Variants in DYNC2H1 observed in about 807,000 individuals in gnomAD.
The protein encoded by DYNC2H1 is dynein cytoplasmic 2 heavy chain 1, also known as cytoplasmic dynein 2 heavy chain 1.
A neutral mutation model predicts 570.0 loss-of-function variants in DYNC2H1; 410 were observed. The observed-to-expected ratio is 0.72, with a 90% CI of 0.66 to 0.78. The LOEUF (loss-of-function observed/expected upper bound fraction) is 0.78. Ranked by LOEUF, DYNC2H1 falls within the 30% of genes least tolerant of loss-of-function variation. DYNC2H1 has a pLI of 0.00. For synonymous variants in DYNC2H1, 1,688 were observed against 1,677.6 expected (o/e 1.01, Z -0.15); for missense variants, 4,865 against 5,046.4 (o/e 0.96, Z 1.09).
Position 103,159,004 on chromosome 11 carries a change from C to A in DYNC2H1, c.4355C>A (p.Ser1452Tyr). 1 of 1,612,788 alleles carries A rather than the reference C, an allele frequency of 6.2e-7. No homozygotes were observed. The highest frequency in any genetic ancestry group is 1.1e-5 in the South Asian group (1 of 90,692). ...GQSTNPSVIQ[S>Y]HLKKLFAGIN... The stretch of plus-strand genomic sequence containing the variant: ...TCTACCAACCCATCAGTGATTCAGT[C>A]TCACCTGAAGAAGCTTTTTGCTGGT... The change falls in exon 28 of 89, where the codon TCT becomes TAT. Residue 1452 changes from serine (S) to tyrosine (Y), a missense_variant. Ser to Tyr is a moderately radical substitution (Grantham distance 144). This residue lies in a region of DYNC2H1 where 1,936 missense variants were observed against 1,962.1 expected (regional missense o/e 0.99). Coordinates refer to ENST00000375735, the MANE Select transcript of DYNC2H1 (RefSeq NM_001377.3).
At chr11:103,308,460 C>T (rs764809015) in intron 78 of DYNC2H1, among the ~76,000 whole-genome samples, 11 of 152,180 alleles carry the variant, frequency 7.2e-5, no homozygotes, top group Non-Finnish European at 1.2e-4. Context: ...ACAGTGAACA[C>T]TGGTGAGCAC....
chr11:103,154,165 A>T (rs1860698150), intron 22 of DYNC2H1, among the ~76,000 whole-genome samples: 1 of 151,862 alleles, frequency 6.6e-6, no homozygotes, highest in South Asian at 2.1e-4. Flanking sequence ...CGTACATATA[A>T]ATCTCTCTAT....
rs764028036 is a variant in DYNC2H1, at chr11:103,143,379, G to A, written c.2686G>A (p.Val896Ile). Residue 896 changes from valine to isoleucine, a missense_variant, in exon 18 of 89, where the codon GTA becomes ATA. Val to Ile is a conservative substitution (Grantham distance 29). Coordinates refer to ENST00000375735, the MANE Select transcript of DYNC2H1 (RefSeq NM_001377.3). ...FKALKIKGKE[V>I]ERLPSAVKVD... ...AGCATTAAAAATAAAGGGGAAAGAA[G>A]TAGAACGACTTCCAAGGTATTGGAG... is the stretch of plus-strand genomic sequence containing the variant. The A allele has an allele frequency of 1.1e-5, 18 of 1,610,240 alleles. No individual in the cohort carries two copies. The African/African-American group carries it at 2.3e-4, about 20-fold the overall frequency.
rs752450335 is a variant in DYNC2H1 at position 103,286,296 on chromosome 11, T to A, written c.10932T>A (p.Asp3644Glu). The stretch of plus-strand genomic sequence containing the variant: ...TTTATCAGACCCTCTGCTTTGAAGA[T>A]GCAGCTCTGTGGCGTACTTATTATA... ...PSLYQTLCFEDAALWRTYYNN... is the reference protein window; with the variant it reads ...PSLYQTLCFEEAALWRTYYNN... Residue 3644 changes from aspartate (D) to glutamate (E), a missense_variant, in exon 74 of 89, where the codon GAT (aspartate) becomes GAA (glutamate). Asp to Glu is a conservative substitution (Grantham distance 45, BLOSUM62 2). Transcript: ENST00000375735. 1 of 1,613,878 alleles carries A rather than the reference T, an allele frequency of 6.2e-7. No homozygotes were observed. Among genetic ancestry groups the A allele is most frequent in the East Asian group, 2.2e-5 (1 of 44,864 alleles).
intron 80 of DYNC2H1, among the ~76,000 whole-genome samples, chr11:103,318,726 T>C (rs758234049): frequency 1.6e-4 from 24 of 146,970 alleles, no homozygotes; most frequent in African/African-American, 2.5e-4. Flanking sequence ...TCTGTTTGTT[T>C]AAAAGATTTT....
At chr11:103,346,470 A>G (rs1720413309) in intron 82 of DYNC2H1, among the ~76,000 whole-genome samples, 1 of 152,206 alleles carries the variant, frequency 6.6e-6, no homozygotes, top group Non-Finnish European at 1.5e-5. Context: ...TTGTAGGCAA[A>G]TCTGAATTTG....
At chr11:103,403,223 T>C (rs1436027398) in intron 84 of DYNC2H1, 1 of 152,006 alleles carries the variant, frequency 6.6e-6, no homozygotes, top group Non-Finnish European at 1.5e-5. Flanking sequence ...GACCTAGAAA[T>C]GTTGGGGTAA....
chr11:103,217,434 C>A (rs1863427170), intron 55 of DYNC2H1, among the ~76,000 whole-genome samples: 1 of 152,076 alleles, frequency 6.6e-6, no homozygotes, highest in African/African-American at 2.4e-5. Context: ...GCATAGAGAT[C>A]ACTGGAATGT....
At chr11:103,175,148 G>A (rs1021019369) in intron 36 of DYNC2H1, among the ~76,000 whole-genome samples, 5 of 152,012 alleles carry the variant, frequency 3.3e-5, no homozygotes, top group African/African-American at 9.7e-5. Context: ...GGAGGTATAC[G>A]TTCATGAAAG....
At chr11:103,283,287 C>T (rs1024258065) in intron 73 of DYNC2H1, among the ~76,000 whole-genome samples, 2 of 151,854 alleles carry the variant, frequency 1.3e-5, no homozygotes, top group Admixed American at 6.6e-5. Context: ...AAATAGCATG[C>T]CTTCCAAATA....
chr11:103,397,682 T>C (rs1942454372), intron 83 of DYNC2H1, among the ~76,000 whole-genome samples: 1 of 152,056 alleles, frequency 6.6e-6, no homozygotes, highest in African/African-American at 2.4e-5. Context: ...ATCACTTGAG[T>C]CCTGGAGTTT....
intron 6 of DYNC2H1, among the ~76,000 whole-genome samples, chr11:103,119,671 C>A (rs1391639169): frequency 1.3e-5 from 2 of 152,068 alleles, no homozygotes; most frequent in African/African-American, 4.8e-5. Context: ...GCTTTCAAGC[C>A]CCCAAAAATG....
chr11:103,464,712 A>G (rs555080004), intron 87 of DYNC2H1, among the ~76,000 whole-genome samples: 9 of 152,314 alleles, frequency 5.9e-5, no homozygotes, highest in Admixed American at 5.9e-4. Flanking sequence ...ATTGCCATCT[A>G]AAATAATTCA....
At position 103,109,693 on chromosome 11, in the gene DYNC2H1, A is replaced by T; in HGVS notation, c.119A>T (p.Asn40Ile). Residue 40 changes from asparagine (N) to isoleucine (I), a missense_variant, in exon 1 of 89, where the codon AAC becomes ATC. Asn to Ile is a moderately radical substitution (Grantham distance 149). This residue lies in a region of DYNC2H1 where 1,936 missense variants were observed against 1,962.1 expected (regional missense o/e 0.99). Coordinates refer to ENST00000375735, the MANE Select transcript of DYNC2H1 (RefSeq NM_001377.3). Reference sequence around the variant, plus strand: ...CTGTTGTGCAACTGTCTTGAAATCAACAACTTCTTGGATGACGGCAACCAG... The same window carrying T: ...CTGTTGTGCAACTGTCTTGAAATCATCAACTTCTTGGATGACGGCAACCAG... Reference protein sequence around the residue: ...QPLLCNCLEINNFLDDGNQML... With the variant: ...QPLLCNCLEIINFLDDGNQML... 6.2e-7 allele frequency: 1 copy of T among 1,613,930 alleles called. No homozygotes were observed. The highest frequency in any genetic ancestry group is 1.1e-5 in the South Asian group (1 of 91,072).
rs1174349998 is a variant in DYNC2H1, at chr11:103,305,293, T to A, written c.11382+573T>A. Among the ~76,000 whole-genome samples the A allele has an allele frequency of 6.6e-6, 1 of 152,116 alleles. No homozygotes were observed. Among genetic ancestry groups the A allele is most frequent in the Non-Finnish European group, 1.5e-5 (1 of 68,036 alleles). On this transcript the variant is annotated intron_variant, in intron 77 of 88. Transcript: ENST00000375735. This position sits in a 1 kb window ranked among gnomAD's most constrained non-coding sequence, Gnocchi z 4.3. ...GATATTCCTTGAAAGTCAAATAGGA[T>A]TTTGCTAAGTATAGGCAAAGAAAGG...
At chr11:103,411,621 A>ATTGTTT (rs1184445014) in intron 84 of DYNC2H1, among the ~76,000 whole-genome samples, 1 of 152,154 alleles carries the variant, frequency 6.6e-6, no homozygotes, top group African/African-American at 2.4e-5. Flanking sequence ...AAGATAAAGA[A>ATTGTTT]CAAAAAGGGC....
chr11:103,386,577 G>A (rs942197488), intron 83 of DYNC2H1, among the ~76,000 whole-genome samples: 3 of 151,914 alleles, frequency 2.0e-5, no homozygotes, highest in Non-Finnish European at 4.4e-5. Context: ...GTATACATGT[G>A]CCATGTTGGT....
intron 87 of DYNC2H1, among the ~76,000 whole-genome samples, chr11:103,459,901 G>A (rs902988998): frequency 7.0e-5 from 10 of 142,568 alleles, no homozygotes; most frequent in Non-Finnish European, 1.5e-4. Flanking sequence ...GCAGTGAGCC[G>A]AGATTGCGCC....
intron 85 of DYNC2H1, among the ~76,000 whole-genome samples, chr11:103,451,829 A>G (rs1448634127): frequency 6.6e-6 from 1 of 152,198 alleles, no homozygotes; most frequent in Admixed American, 6.5e-5. Context: ...TCTTGTTTCT[A>G]TAATTATGTA....
Sources: gnomAD v4.1 joint callset for allele counts (sites outside exome capture counted in the v4.1 genomes callset) on GRCh38, gnomAD v4.1.1 for gene constraint, gnomAD v4.1.1 regional missense constraint, Gnocchi (gnomAD v3.1) non-coding constraint, MANE v1.5 for transcripts, NCBI Gene and HGNC (gene_info 2026-07-23, HGNC 2026-07-21) for gene names.